Variants in ENAH observed in about 807,000 individuals in gnomAD.
The protein encoded by ENAH is protein enabled homolog.
A neutral mutation model predicts 78.7 loss-of-function variants in ENAH; 23 were observed. The ratio of observed to expected loss-of-function variants is 0.29; its 90% confidence interval spans 0.21 to 0.41. The LOEUF is 0.41. ENAH is among the 10% of genes least tolerant of loss of function. The pLI is 1.00. For synonymous variants in ENAH, 226 were observed against 241.0 expected, an observed-to-expected ratio of 0.94 and a Z score of 0.58; for missense variants, 544 against 691.0, an observed-to-expected ratio of 0.79 and a Z score of 2.39.
chr1:225,653,451 G>C (rs1299468045), upstream of ENAH, among the ~76,000 whole-genome samples: 1 of 141,992 alleles, frequency 7.0e-6, no homozygotes, highest in African/African-American at 2.7e-5. This position sits in a 1 kb window ranked among gnomAD's most constrained non-coding sequence, Gnocchi z 4.3. Flanking sequence ...GCCAGTTGTC[G>C]GCCGGGGTTC....
chr1:225,619,098 C>T (rs1378072455), intron 1 of ENAH, among the ~76,000 whole-genome samples: 3 of 152,206 alleles, frequency 2.0e-5, no homozygotes, highest in Non-Finnish European at 4.4e-5. Flanking sequence ...CCAGTACACA[C>T]ACACACACAC....
At position 225,575,091 on chromosome 1, in the gene ENAH, T is replaced by C. The variant is rs147377366; in HGVS notation, c.6-7677A>G. On this transcript the variant is annotated intron_variant, in intron 1 of 13. Transcript: ENST00000366843. Reference sequence around the variant, plus strand: ...ACACCACCACTCTGAAATCACAACATCCTACAAATGTAGGGTTCACTCCAG... The same window carrying C: ...ACACCACCACTCTGAAATCACAACACCCTACAAATGTAGGGTTCACTCCAG... Among the ~76,000 whole-genome samples, 3 of 152,278 alleles carry C rather than the reference T, an allele frequency of 2.0e-5. No homozygotes were observed. In the East Asian group the frequency reaches 5.8e-4, roughly 29 times the overall value.
chr1:225,601,244 G>A (rs747960890), intron 1 of ENAH, among the ~76,000 whole-genome samples: 1 of 152,110 alleles, frequency 6.6e-6, no homozygotes, highest in Non-Finnish European at 1.5e-5. Context: ...ATTACGGCCA[G>A]GCACGGTGGC....
intron 4 of ENAH, among the ~76,000 whole-genome samples, chr1:225,526,431 C>T (rs564707941): frequency 3.3e-5 from 5 of 151,960 alleles, no homozygotes; most frequent in South Asian, 2.1e-4. Flanking sequence ...CTTGGCCTCC[C>T]GGGTTCAAGC....
At chr1:225,530,432 G>T in intron 4 of ENAH, 122 bp downstream of exon 4, 1 of 714,708 alleles carries the variant, frequency 1.4e-6, no homozygotes, top group East Asian at 2.5e-5. Flanking sequence ...ACTTACTAAT[G>T]TAAGAATAAA....
At chr1:225,576,620 A>G (rs2096789463) in intron 1 of ENAH, among the ~76,000 whole-genome samples, 1 of 152,200 alleles carries the variant, frequency 6.6e-6, no homozygotes, top group Non-Finnish European at 1.5e-5. Flanking sequence ...ACTAACACTA[A>G]AGAAAAAGCT....
chr1:225,595,332 C>CA (rs887497643), intron 1 of ENAH, among the ~76,000 whole-genome samples: 496 of 130,528 alleles, frequency 3.8e-3, no homozygotes, highest in African/African-American at 9.4e-3. Flanking sequence ...GACTCTGTCT[C>CA]AAAAAAAAAA....
intron 1 of ENAH, among the ~76,000 whole-genome samples, chr1:225,615,096 G>A (rs2097018199): frequency 1.3e-5 from 2 of 151,996 alleles, no homozygotes; most frequent in East Asian, 1.9e-4. Context: ...ATGCCGAGCG[G>A]AGGCTGGACT....
chr1:225,529,615 C>T (rs2096527886), intron 4 of ENAH, among the ~76,000 whole-genome samples: 3 of 152,108 alleles, frequency 2.0e-5, no homozygotes, highest in African/African-American at 7.2e-5. Context: ...CCTCCACTCT[C>T]CCCACCCTTC....
chr1:225,554,248 C>G (rs542602965), intron 3 of ENAH, among the ~76,000 whole-genome samples: 2 of 152,248 alleles, frequency 1.3e-5, no homozygotes, highest in South Asian at 4.1e-4. Context: ...AATAACCACA[C>G]ACTGGTACAT....
chr1:225,495,494 A>T lies in ENAH; in HGVS notation c.*2281T>A, dbSNP rs2096245731. On this transcript the variant is annotated 3_prime_UTR_variant, in exon 14 of 14. Coordinates refer to ENST00000366843, the MANE Select transcript of ENAH (RefSeq NM_018212.6). The stretch of plus-strand genomic sequence containing the variant: ...TTTTTTTTTGTCAGTTTACACATAC[A>T]TCATGTTAATATTAGACCAAGGCAC... 1 of 140,128 alleles carries T rather than the reference A, an allele frequency of 7.1e-6. No homozygotes were observed. 8.7% of individuals were successfully genotyped at this position (140,128 alleles called of 1,614,324 possible).
chr1:225,523,876 G>A (rs917584281), intron 4 of ENAH, among the ~76,000 whole-genome samples: 13 of 152,232 alleles, frequency 8.5e-5, no homozygotes, highest in African/African-American at 3.1e-4. Flanking sequence ...CCTCTTCCTA[G>A]AGTTCTCTCT....
chr1:225,513,041 T>G (rs746109000), intron 7 of ENAH, 25 bp from the exon 8 acceptor site: 1 of 1,577,148 alleles, frequency 6.3e-7, no homozygotes, highest in African/African-American at 1.4e-5. Context: ...ACAGACATAA[T>G]CAACTCCTAT....
At chr1:225,612,784 G>A (rs111276402) in intron 1 of ENAH, among the ~76,000 whole-genome samples, 1,727 of 150,502 alleles carry the variant, frequency 0.011, 29 homozygotes, top group African/African-American at 0.039. Flanking sequence ...AGGACCAACC[G>A]TAAGAAGCAA....
At chr1:225,556,668 G>T (rs757892742) in intron 2 of ENAH, among the ~76,000 whole-genome samples, 28 of 152,170 alleles carry the variant, frequency 1.8e-4, no homozygotes, top group African/African-American at 6.0e-4. Context: ...CTTGATGGAT[G>T]TAAGTTCTTC....
At chr1:225,509,299 C>CT (rs1399559888) in intron 10 of ENAH, among the ~76,000 whole-genome samples, 1 of 152,124 alleles carries the variant, frequency 6.6e-6, no homozygotes. Context: ...TCATCGGACA[C>CT]TGTCACTAAA....
chr1:225,633,111 C>T (rs977319987), intron 1 of ENAH, among the ~76,000 whole-genome samples: 18 of 151,186 alleles, frequency 1.2e-4, no homozygotes, highest in African/African-American at 1.7e-4. Context: ...GGCGCAATCT[C>T]GGCTCACTGT....
At chr1:225,545,358 T>G (rs1190718356) in intron 3 of ENAH, among the ~76,000 whole-genome samples, 1 of 152,186 alleles carries the variant, frequency 6.6e-6, no homozygotes, top group Non-Finnish European at 1.5e-5. Context: ...TCAAAGATCT[T>G]GTTCCTAGGA....
chr1:225,582,059 G>C (rs1262511192), intron 1 of ENAH, among the ~76,000 whole-genome samples: 1 of 152,070 alleles, frequency 6.6e-6, no homozygotes, highest in African/African-American at 2.4e-5. Flanking sequence ...CCTGGTGCAA[G>C]GTGACAGGAT....
Sources: gnomAD v4.1 joint callset for allele counts (sites outside exome capture counted in the v4.1 genomes callset) on GRCh38, gnomAD v4.1.1 for gene constraint, Gnocchi (gnomAD v3.1) non-coding constraint, MANE v1.5 for transcripts, NCBI Gene and HGNC (gene_info 2026-07-23, HGNC 2026-07-21) for gene names.